Variants in WWP1 observed in about 807,000 individuals in gnomAD.
The protein encoded by WWP1 is NEDD4-like E3 ubiquitin-protein ligase WWP1.
WWP1 carries 49 observed loss-of-function variants against 130.6 expected under a neutral mutation model. The ratio of observed to expected loss-of-function variants is 0.38; its 90% confidence interval spans 0.30 to 0.48. The LOEUF (loss-of-function observed/expected upper bound fraction) is 0.48, where lower values mean the gene tolerates loss of function less well. Ranked by LOEUF, WWP1 falls within the 20% of genes least tolerant of loss-of-function variation. The pLI, the probability that WWP1 is intolerant of heterozygous loss-of-function variation, is 0.99. For missense variants in WWP1, 809 were observed against 1,100.6 expected, an observed-to-expected ratio of 0.74 and a Z score of 3.75; for synonymous variants, 332 against 367.8, an observed-to-expected ratio of 0.90 and a Z score of 1.11.
intron 2 of WWP1, 85 bp downstream of exon 2, chr8:86,369,116 A>G (rs1408127166): frequency 2.0e-5 from 3 of 152,164 alleles, no homozygotes; most frequent in Non-Finnish European, 4.4e-5. Context: ...ATGTAGACCT[A>G]GTAATACGTT....
intron 1 of WWP1, among the ~76,000 whole-genome samples, chr8:86,361,224 G>T (rs1823576521): frequency 6.6e-6 from 1 of 152,102 alleles, no homozygotes; most frequent in South Asian, 2.1e-4. Flanking sequence ...TTATGGGCTT[G>T]GAGATAAGAG....
At chr8:86,380,406 GTTTATT>G (rs1419547785) in intron 3 of WWP1, among the ~76,000 whole-genome samples, 4 of 152,218 alleles carry the variant, frequency 2.6e-5, no homozygotes, top group Non-Finnish European at 4.4e-5. Flanking sequence ...ATGGTATGGA[GTTTATT>G]TTTATGGTAA....
At chr8:86,406,944 G>A (rs542474545) in intron 8 of WWP1, among the ~76,000 whole-genome samples, 2 of 152,104 alleles carry the variant, frequency 1.3e-5, no homozygotes, top group Non-Finnish European at 2.9e-5. Flanking sequence ...TTAGGGTGAG[G>A]ACAAATACGT....
intron 18 of WWP1, among the ~76,000 whole-genome samples, chr8:86,443,071 G>A (rs1437410717): frequency 6.6e-6 from 1 of 151,928 alleles, no homozygotes; most frequent in Non-Finnish European, 1.5e-5. Context: ...ATTTTTAATA[G>A]AAAAAATTTT....
intron 9 of WWP1, among the ~76,000 whole-genome samples, chr8:86,424,226 C>T (rs1388557030): frequency 6.6e-6 from 1 of 150,890 alleles, no homozygotes; most frequent in Non-Finnish European, 1.5e-5. Flanking sequence ...GGCAGAGGCG[C>T]TCCCCACATC....
chr8:86,423,563 T>A (rs1470507533), intron 9 of WWP1, among the ~76,000 whole-genome samples: 1 of 152,200 alleles, frequency 6.6e-6, no homozygotes, highest in Admixed American at 6.5e-5. Context: ...ATCAACAGCA[T>A]CCCAAGGCAG....
intron 2 of WWP1, among the ~76,000 whole-genome samples, chr8:86,370,817 T>A (rs1476797854): frequency 6.6e-6 from 1 of 150,910 alleles, no homozygotes; most frequent in Admixed American, 6.6e-5. Context: ...TTCTTTTTCT[T>A]AGATATATTC....
intron 1 of WWP1, among the ~76,000 whole-genome samples, chr8:86,364,036 C>T (rs1175069218): frequency 6.6e-6 from 1 of 152,136 alleles, no homozygotes; most frequent in African/African-American, 2.4e-5. Flanking sequence ...TTGCTCTGAT[C>T]ATATTTTCTG....
chr8:86,415,267 C>T (rs752715875), intron 9 of WWP1, among the ~76,000 whole-genome samples: 1 of 152,066 alleles, frequency 6.6e-6, no homozygotes, highest in African/African-American at 2.4e-5. Context: ...CCCACATTTC[C>T]GTATCCTGCT....
At chr8:86,361,035 T>C (rs1192952151) in intron 1 of WWP1, among the ~76,000 whole-genome samples, 1 of 152,154 alleles carries the variant, frequency 6.6e-6, no homozygotes, top group African/African-American at 2.4e-5. Context: ...ACAGATCACA[T>C]AGGCATTTAT....
At chr8:86,445,979 T>TTCTTTTCTTTTC (rs1245913180) in intron 18 of WWP1, among the ~76,000 whole-genome samples, 1 of 71,770 alleles carries the variant, frequency 1.4e-5, no homozygotes, top group African/African-American at 5.1e-5. Flanking sequence ...TTCTTTTCTT[T>TTCTTTTCTTTTC]TTTTTTTTTT....
intron 9 of WWP1, among the ~76,000 whole-genome samples, chr8:86,412,258 TC>T (rs1417486889): frequency 6.6e-6 from 1 of 152,198 alleles, no homozygotes; most frequent in African/African-American, 2.4e-5. Context: ...GCTCTTCTTT[TC>T]CTCAGCTAAT....
At chr8:86,397,428 C>CTA (rs3061697) in intron 5 of WWP1, among the ~76,000 whole-genome samples, 111,376 of 151,948 alleles carry the variant, frequency 0.73, 41,698 homozygotes, top group African/African-American at 0.83. Context: ...ATTAACATAT[C>CTA]TCACCTCAAA....
Position 86,342,715 on chromosome 8 carries a change from G to T in WWP1, c.-330G>T. 2 of 327,640 alleles carry T rather than the reference G, an allele frequency of 6.1e-6. No individual in the cohort carries two copies. The highest frequency in any genetic ancestry group is 3.1e-4 in the South Asian group (2 of 6,404). The allele number at this position is 327,640 out of a possible 1,614,324, so 20.3% of individuals were successfully genotyped here. A position where few individuals can be genotyped will look rare whatever the true frequency, so the allele number is the denominator to read the frequency against. On this transcript the variant is annotated 5_prime_UTR_variant, in exon 1 of 25. Coordinates refer to ENST00000517970, the MANE Select transcript of WWP1 (RefSeq NM_007013.4). ...TGGGGGTGGCGCGTGGACGGGGTGG[G>T]GGTGGGGGGAGGGTCGGGTGTCGGC...
At chr8:86,387,064 A>G (rs1411005488) in intron 5 of WWP1, 1 of 152,194 alleles carries the variant, frequency 6.6e-6, no homozygotes, top group African/African-American at 2.4e-5. Flanking sequence ...ATCCCTTCCT[A>G]AAGACCCTAA....
intron 9 of WWP1, among the ~76,000 whole-genome samples, chr8:86,414,341 G>C (rs191350473): frequency 2.0e-5 from 3 of 152,216 alleles, no homozygotes; most frequent in Non-Finnish European, 4.4e-5. Flanking sequence ...TGTGTAAACT[G>C]TGGTCAAAAA....
chr8:86,434,687 C>T (rs1810190618), intron 14 of WWP1, among the ~76,000 whole-genome samples: 1 of 152,146 alleles, frequency 6.6e-6, no homozygotes, highest in Admixed American at 6.5e-5. Flanking sequence ...ATAAGCTCCA[C>T]AAAACAGGCA....
chr8:86,416,573 ATTTCT>A (rs1208777952), intron 9 of WWP1, among the ~76,000 whole-genome samples: 4 of 147,396 alleles, frequency 2.7e-5, no homozygotes, highest in African/African-American at 7.4e-5. Flanking sequence ...ATTCTTCCAC[ATTTCT>A]TTTTTTTTTT....
At chr8:86,385,519 T>C (rs995084319) in intron 5 of WWP1, among the ~76,000 whole-genome samples, 2 of 152,116 alleles carry the variant, frequency 1.3e-5, no homozygotes, top group African/African-American at 4.8e-5. Flanking sequence ...ATGGTGTGAA[T>C]GAATGGCAGA....
Sources: allele counts gnomAD v4.1 joint callset (sites outside exome capture counted in the v4.1 genomes callset), GRCh38; gene constraint gnomAD v4.1.1; transcripts MANE v1.5; gene names NCBI Gene and HGNC (gene_info 2026-07-23, HGNC 2026-07-21).